The following PARD6G variants were observed in gnomAD, a reference collection of about 807,000 sequenced individuals.
PARD6G encodes the protein par-6 family cell polarity regulator gamma.
A neutral mutation model predicts 10.7 loss-of-function variants in PARD6G; 7 were observed. That is an observed-to-expected ratio of 0.66 (90% CI 0.37 to 1.23). The LOEUF is 1.23. Among genes scored for constraint, PARD6G ranks in the 50% most tolerant of loss-of-function variants. The pLI, the probability that PARD6G is intolerant of heterozygous loss-of-function variation, is 0.02. For missense variants in PARD6G, 548 were observed against 571.8 expected (o/e 0.96, Z 0.42); for synonymous variants, 287 against 269.4 (o/e 1.07, Z -0.64).
intron 1 of PARD6G, among the ~76,000 whole-genome samples, chr18:80,207,948 A>G (rs1391968750): frequency 6.6e-6 from 1 of 152,250 alleles, no homozygotes; most frequent in Non-Finnish European, 1.5e-5. Flanking sequence ...ATTTCTGATT[A>G]GAAAAGAGCT....
chr18:80,196,142 C>T (rs1966954061), intron 2 of PARD6G, among the ~76,000 whole-genome samples: 1 of 152,130 alleles, frequency 6.6e-6, no homozygotes, highest in Non-Finnish European at 1.5e-5. Context: ...TTTGTTAGAG[C>T]TGTGTAACTG....
intron 1 of PARD6G, among the ~76,000 whole-genome samples, chr18:80,207,381 T>C (rs997537431): frequency 1.3e-5 from 2 of 151,714 alleles, no homozygotes; most frequent in Non-Finnish European, 2.9e-5. Flanking sequence ...GGCTAGTGAT[T>C]ATCAATAAAT....
chr18:80,216,916 G>T (rs1967173548), intron 1 of PARD6G, among the ~76,000 whole-genome samples: 1 of 152,090 alleles, frequency 6.6e-6, no homozygotes, highest in Admixed American at 6.5e-5. Flanking sequence ...ATCAGTAATG[G>T]TGAAGGGGAC....
chr18:80,190,960 TGGGAACGACCCACCA>T (rs1292461081), intron 2 of PARD6G, among the ~76,000 whole-genome samples: 2 of 152,126 alleles, frequency 1.3e-5, no homozygotes, highest in Admixed American at 1.3e-4. Context: ...CCTATAGCCC[TGGGAACGACCCACCA>T]GGGGCCAGAC....
chr18:80,222,243 C>A (rs762269970), intron 1 of PARD6G, among the ~76,000 whole-genome samples: 1 of 152,004 alleles, frequency 6.6e-6, no homozygotes, highest in Non-Finnish European at 1.5e-5. Flanking sequence ...CGCCGCCACA[C>A]CTGGCTAATT....
rs984720612 is a variant in PARD6G at position 80,200,686 on chromosome 18, G to T, written c.295+2024C>A. 9.9e-5 allele frequency among the ~76,000 whole-genome samples: 15 copies of T among 152,198 alleles called. No homozygotes were observed. Among genetic ancestry groups the T allele is most frequent in the Non-Finnish European group, 2.1e-4 (14 of 68,028 alleles). On this transcript the variant is annotated intron_variant, in intron 2 of 2. Transcript: ENST00000353265. This position sits in a 1 kb window ranked among gnomAD's most constrained non-coding sequence, Gnocchi z 4.4. Reference sequence around the variant, plus strand: ...TAGTTAAACTGGGCTACTACTCTGAGGGCAGAGGAAGAAGGAAAAATAAAT... The same window carrying T: ...TAGTTAAACTGGGCTACTACTCTGATGGCAGAGGAAGAAGGAAAAATAAAT...
chr18:80,242,794 A>T (rs1017205495), intron 1 of PARD6G, among the ~76,000 whole-genome samples: 4 of 152,204 alleles, frequency 2.6e-5, no homozygotes, highest in African/African-American at 9.7e-5. Context: ...TAAATACGAA[A>T]ATTTCAACTC....
chr18:80,191,289 G>T (rs1247897595), intron 2 of PARD6G, among the ~76,000 whole-genome samples: 1 of 152,184 alleles, frequency 6.6e-6, no homozygotes, highest in Admixed American at 6.5e-5. Context: ...GGCAGCAGCT[G>T]CCCAGATGCG....
chr18:80,176,244 C>G (rs1450326077), intron 2 of PARD6G, among the ~76,000 whole-genome samples: 1 of 152,190 alleles, frequency 6.6e-6, no homozygotes, highest in Admixed American at 6.5e-5. Context: ...ATAACTTGAT[C>G]AGGTTTAAAG....
intron 1 of PARD6G, among the ~76,000 whole-genome samples, chr18:80,230,577 C>T (rs1356056958): frequency 2.6e-5 from 4 of 152,202 alleles, no homozygotes; most frequent in Non-Finnish European, 5.9e-5. Flanking sequence ...CCCAGACGAG[C>T]ATCATGCCAG....
chr18:80,225,723 T>C (rs1967282128), intron 1 of PARD6G, among the ~76,000 whole-genome samples: 1 of 152,174 alleles, frequency 6.6e-6, no homozygotes, highest in African/African-American at 2.4e-5. Flanking sequence ...TTGCCTGAAG[T>C]AGTTGGAGAA....
At position 80,231,484 on chromosome 18, in the gene PARD6G, T is replaced by C. The variant is rs1967356917; in HGVS notation, c.72+15793A>G. Among the ~76,000 whole-genome samples the C allele has an allele frequency of 6.6e-6, 1 of 152,126 alleles. No individual in the cohort carries two copies. The highest frequency in any genetic ancestry group is 2.4e-5 in the African/African-American group (1 of 41,430). On this transcript the variant is annotated intron_variant, in intron 1 of 2. Coordinates refer to ENST00000353265, the MANE Select transcript of PARD6G (RefSeq NM_032510.4). This position sits in a 1 kb window ranked among gnomAD's most constrained non-coding sequence, Gnocchi z 4.2. ...GATGCAGGCTGGGTCACTGGAGTTG[T>C]ACAAATACAGACAGACAACATAGCA...
chr18:80,196,890 TAAAAAAAAAAA>T (rs572719232), intron 2 of PARD6G, among the ~76,000 whole-genome samples: 3 of 88,016 alleles, frequency 3.4e-5, no homozygotes, highest in African/African-American at 4.7e-5. Flanking sequence ...TTTCTTTTAT[TAAAAAAAAAAA>T]AAAAAAAAAA....
chr18:80,242,076 A>C (rs1967496030), intron 1 of PARD6G, among the ~76,000 whole-genome samples: 1 of 152,166 alleles, frequency 6.6e-6, no homozygotes, highest in Non-Finnish European at 1.5e-5. Flanking sequence ...GCCCACCTGG[A>C]AGGCCATCAG....
chr18:80,228,320 G>A lies in PARD6G; in HGVS notation c.72+18957C>T, dbSNP rs983986773. 1.4e-4 allele frequency among the ~76,000 whole-genome samples: 22 copies of A among 152,152 alleles called. No homozygotes were observed. Among genetic ancestry groups the A allele is most frequent in the African/African-American group, 5.3e-4 (22 of 41,510 alleles). On this transcript the variant is annotated intron_variant, in intron 1 of 2. Coordinates refer to ENST00000353265, the MANE Select transcript of PARD6G (RefSeq NM_032510.4). The surrounding 1 kb of genome is among the most constrained non-coding windows in gnomAD (Gnocchi z 4.6). Reference sequence around the variant, plus strand: ...GAGGTGAGCGGAGGGGAGGCCAGGGGAGGGGAGTTCCCGGACACACGGTCC... The same window carrying A: ...GAGGTGAGCGGAGGGGAGGCCAGGGAAGGGGAGTTCCCGGACACACGGTCC...
At chr18:80,242,755 C>T (rs1023417122) in intron 1 of PARD6G, among the ~76,000 whole-genome samples, 9 of 152,194 alleles carry the variant, frequency 5.9e-5, no homozygotes, top group African/African-American at 2.2e-4. Context: ...CAAAACCAGG[C>T]AGTTGAAAAT....
rs1281464533 is a variant in PARD6G, at chr18:80,180,455, T to C, written c.296-19849A>G. 6.6e-6 allele frequency among the ~76,000 whole-genome samples: 1 copy of C among 152,134 alleles called. No homozygotes were observed. Among genetic ancestry groups the C allele is most frequent in the Non-Finnish European group, 1.5e-5 (1 of 68,004 alleles). ...TCCCAGGCTACACTGGAGGAGGCTC[T>C]GCTCCATGGTGTACACCCCCCAGGT... On this transcript the variant is annotated intron_variant, in intron 2 of 2. Coordinates refer to ENST00000353265, the MANE Select transcript of PARD6G (RefSeq NM_032510.4). The surrounding 1 kb of genome is among the most constrained non-coding windows in gnomAD (Gnocchi z 5.6).
chr18:80,237,667 C>T (rs897808903), intron 1 of PARD6G, among the ~76,000 whole-genome samples: 2 of 152,014 alleles, frequency 1.3e-5, no homozygotes, highest in Non-Finnish European at 2.9e-5. Context: ...AAAAACAACC[C>T]CATCAACAAG....
At position 80,182,496 on chromosome 18, in the gene PARD6G, C is replaced by A. The variant is rs1279433604; in HGVS notation, c.295+20214G>T. ...CTTTGCTTGTTATTGCCAAGGAAGC[C>A]ATCTTCCCCTGCTTTGACACCTCAA... is the stretch of plus-strand genomic sequence containing the variant. On this transcript the variant is annotated intron_variant, in intron 2 of 2. Coordinates refer to ENST00000353265, the MANE Select transcript of PARD6G (RefSeq NM_032510.4). This position sits in a 1 kb window ranked among gnomAD's most constrained non-coding sequence, Gnocchi z 4.5. Among the ~76,000 whole-genome samples, 1 of 152,256 alleles carries A rather than the reference C, an allele frequency of 6.6e-6. No individual in the cohort carries two copies. The highest frequency in any genetic ancestry group is 2.4e-5 in the African/African-American group (1 of 41,470).
Sources: gnomAD v4.1 joint callset for allele counts (sites outside exome capture counted in the v4.1 genomes callset) on GRCh38, gnomAD v4.1.1 for gene constraint, Gnocchi (gnomAD v3.1) non-coding constraint, MANE v1.5 for transcripts, NCBI Gene and HGNC (gene_info 2026-07-23, HGNC 2026-07-21) for gene names.